The following EYS variants were observed in gnomAD, a reference collection of about 807,000 sequenced individuals.
The protein encoded by EYS is protein eyes shut homolog.
A neutral mutation model predicts 282.1 loss-of-function variants in EYS; 250 were observed. That is an observed-to-expected ratio of 0.89 (90% CI 0.80 to 0.98). The LOEUF is 0.98. EYS is among the 50% of genes least tolerant of loss of function. The probability of loss-of-function intolerance (pLI) is 0.00; values close to 1 mark genes in which losing one functional copy is unlikely to be tolerated. For missense variants in EYS, 4,016 were observed against 3,709.0 expected (o/e 1.08, Z -2.15); for synonymous variants, 1,355 against 1,282.9 (o/e 1.06, Z -1.20).
At chr6:65,228,265 A>G (rs989137486) in intron 12 of EYS, among the ~76,000 whole-genome samples, 1 of 152,084 alleles carries the variant, frequency 6.6e-6, no homozygotes, top group Non-Finnish European at 1.5e-5. Context: ...AGGAAAAAAT[A>G]AAAGTATTGA....
chr6:65,019,332 G>A (rs1005807866), intron 13 of EYS, among the ~76,000 whole-genome samples: 2 of 151,790 alleles, frequency 1.3e-5, no homozygotes, highest in Non-Finnish European at 2.9e-5. Flanking sequence ...CAAAATCCTT[G>A]TCCTGTTATT....
chr6:64,949,407 G>C (rs1769403099), intron 14 of EYS, among the ~76,000 whole-genome samples: 1 of 151,754 alleles, frequency 6.6e-6, no homozygotes, highest in Non-Finnish European at 1.5e-5. Context: ...TAGCTACCAG[G>C]TAAAGACTAC....
intron 19 of EYS, among the ~76,000 whole-genome samples, chr6:64,862,349 G>A (rs1766275557): frequency 6.6e-6 from 1 of 152,144 alleles, no homozygotes; most frequent in Non-Finnish European, 1.5e-5. Flanking sequence ...TTATCTGGTG[G>A]ACTTCAGTTG....
intron 33 of EYS, among the ~76,000 whole-genome samples, chr6:64,040,607 A>G (rs1312475474): frequency 6.6e-6 from 1 of 152,222 alleles, no homozygotes; most frequent in Non-Finnish European, 1.5e-5. Context: ...AAAAAGTATT[A>G]GTTTATAACC....
chr6:64,395,862 T>C (rs1773353892), intron 28 of EYS, among the ~76,000 whole-genome samples: 1 of 151,786 alleles, frequency 6.6e-6, no homozygotes, highest in Admixed American at 6.6e-5. Flanking sequence ...CATCCAACAA[T>C]CAATGCCATT....
chr6:64,563,288 T>C (rs986643076), intron 26 of EYS, among the ~76,000 whole-genome samples: 1 of 152,076 alleles, frequency 6.6e-6, no homozygotes, highest in Non-Finnish European at 1.5e-5. Context: ...ATTTTTTCTC[T>C]GATTCAGAGA....
intron 12 of EYS, among the ~76,000 whole-genome samples, chr6:65,217,736 G>A (rs1053997055): frequency 2.0e-5 from 3 of 152,084 alleles, no homozygotes; most frequent in African/African-American, 7.2e-5. Context: ...CATGGAGCTA[G>A]GGATGTCAAA....
intron 22 of EYS, among the ~76,000 whole-genome samples, chr6:64,698,035 G>A (rs983088498): frequency 1.3e-5 from 2 of 152,036 alleles, no homozygotes; most frequent in African/African-American, 4.8e-5. Flanking sequence ...ACTTCCAAGA[G>A]AAACTCTTGA....
At chr6:64,734,126 A>G (rs989851131) in intron 22 of EYS, among the ~76,000 whole-genome samples, 6 of 10,640 alleles carry the variant, frequency 5.6e-4, no homozygotes, top group South Asian at 0.012. Context: ...TTTTAAGGGA[A>G]AAAAAAAAAC....
chr6:65,381,351 CA>C (rs1415258286), intron 8 of EYS, among the ~76,000 whole-genome samples: 1 of 151,934 alleles, frequency 6.6e-6, no homozygotes, highest in African/African-American at 2.4e-5. Context: ...TCATCCTCAG[CA>C]AAGCAACATA....
chr6:64,739,040 G>A (rs914329953), intron 22 of EYS, among the ~76,000 whole-genome samples: 3 of 152,192 alleles, frequency 2.0e-5, no homozygotes, highest in South Asian at 2.1e-4. Context: ...GAGCCACCAT[G>A]CCTGTCCAGT....
chr6:65,281,834 T>G (rs1227579202), intron 12 of EYS, among the ~76,000 whole-genome samples: 1 of 152,158 alleles, frequency 6.6e-6, no homozygotes, highest in African/African-American at 2.4e-5. Flanking sequence ...TAGATAAATA[T>G]GTCTCCTAGT....
At chr6:64,872,829 G>T (rs1477622121) in intron 19 of EYS, among the ~76,000 whole-genome samples, 1 of 151,942 alleles carries the variant, frequency 6.6e-6, no homozygotes, top group Non-Finnish European at 1.5e-5. Flanking sequence ...AAGTTGGCAT[G>T]TTGTAGGAGC....
intron 19 of EYS, among the ~76,000 whole-genome samples, chr6:64,824,723 G>C (rs1251007287): frequency 6.6e-6 from 1 of 151,860 alleles, no homozygotes; most frequent in Non-Finnish European, 1.5e-5. Context: ...GCAATGTTGG[G>C]AGATGAGGAG....
At chr6:64,854,489 AG>A (rs1765991593) in intron 19 of EYS, among the ~76,000 whole-genome samples, 1 of 151,260 alleles carries the variant, frequency 6.6e-6, no homozygotes, top group African/African-American at 2.4e-5. Context: ...AACTATCACA[AG>A]GACAAAAAAT....
At chr6:65,017,318 T>A (rs1437631369) in intron 13 of EYS, among the ~76,000 whole-genome samples, 1 of 152,224 alleles carries the variant, frequency 6.6e-6, no homozygotes, top group Non-Finnish European at 1.5e-5. Flanking sequence ...CCAGGTTGAA[T>A]GCAAACATAT....
chr6:63,945,036 C>T (rs538743222), intron 35 of EYS, among the ~76,000 whole-genome samples: 24 of 152,182 alleles, frequency 1.6e-4, no homozygotes, highest in Admixed American at 3.9e-4. Flanking sequence ...TTTGGTTATA[C>T]GGAAGTAAAT....
rs180909903 is a variant in EYS, at chr6:65,407,407, C to T, written c.863-2040G>A. Among the ~76,000 whole-genome samples, 611 of 152,144 alleles carry T rather than the reference C, an allele frequency of 4.0e-3. 5 individuals are homozygous for T. Among genetic ancestry groups the T allele is most frequent in the African/African-American group, 0.014 (578 of 41,536 alleles). ...AGTAGCTGGGACTACAGGCATGCAT[C>T]ACCATGCCCAGATAATTTTTGTATT... On this transcript the variant is annotated intron_variant, in intron 5 of 42. Transcript: ENST00000503581.
At chr6:64,880,523 A>G (rs1766880704) in intron 19 of EYS, among the ~76,000 whole-genome samples, 1 of 151,532 alleles carries the variant, frequency 6.6e-6, no homozygotes, top group Non-Finnish European at 1.5e-5. Flanking sequence ...CTCTATACAC[A>G]TTTGTATATC....
Sources: allele counts gnomAD v4.1 joint callset (sites outside exome capture counted in the v4.1 genomes callset), GRCh38; gene constraint gnomAD v4.1.1; transcripts MANE v1.5; gene names NCBI Gene and HGNC (gene_info 2026-07-23, HGNC 2026-07-21).